The following MROH2A variants were observed in gnomAD, a reference collection of about 807,000 sequenced individuals.
The protein encoded by MROH2A is maestro heat-like repeat-containing protein family member 2A.
A neutral mutation model predicts 200.4 loss-of-function variants in MROH2A; 174 were observed. The observed-to-expected ratio is 0.87, with a 90% confidence interval of 0.77 to 0.98. MROH2A has a LOEUF of 0.98. MROH2A is among the 50% of genes least tolerant of loss of function. MROH2A has a pLI of 0.00. For synonymous variants in MROH2A, 829 were observed against 840.4 expected (o/e 0.99, Z 0.23); for missense variants, 2,045 against 2,139.6 (o/e 0.96, Z 0.87).
rs902287812 is a variant in MROH2A at position 233,791,256 on chromosome 2, G to A, written c.571+1242G>A. On this transcript the variant is annotated intron_variant, in intron 5 of 41. Coordinates refer to ENST00000389758, the MANE Select transcript of MROH2A (RefSeq NM_001394639.1). ...GGAAGGCCTTTCTGACTGCTGCCTG[G>A]ATGGAGAGTACTAGGAGGTGGGTAC... Among the ~76,000 whole-genome samples the A allele has an allele frequency of 3.3e-5, 5 of 152,280 alleles. 1 individual carries two copies. The highest frequency in any genetic ancestry group is 3.3e-4 in the Admixed American group (5 of 15,302).
At chr2:233,830,676 C>G (rs1373173175) in intron 38 of MROH2A, among the ~76,000 whole-genome samples, 1 of 151,512 alleles carries the variant, frequency 6.6e-6, no homozygotes, top group Non-Finnish European at 1.5e-5. Context: ...CCAGGTGGCC[C>G]TTACAGGCAG....
At chr2:233,829,537 A>G (rs1478500544) in intron 37 of MROH2A, 83 bp from the exon 38 acceptor site, 1 of 1,298,354 alleles carries the variant, frequency 7.7e-7, no homozygotes. Context: ...GGACCAAGGC[A>G]TTGGGTATTC....
intron 29 of MROH2A, 71 bp from the exon 30 acceptor site, chr2:233,819,245 CA>C: frequency 1.4e-6 from 2 of 1,436,518 alleles, no homozygotes; most frequent in Non-Finnish European, 1.9e-6. Context: ...TGGGGTGGGA[CA>C]GGGGAGGAGA....
intron 5 of MROH2A, among the ~76,000 whole-genome samples, chr2:233,791,695 G>A (rs898311326): frequency 3.9e-5 from 6 of 152,150 alleles, no homozygotes; most frequent in African/African-American, 1.2e-4. Flanking sequence ...AAGAGACAGC[G>A]TGGAATGTGA....
intron 3 of MROH2A, among the ~76,000 whole-genome samples, chr2:233,787,432 T>C (rs1053027168): frequency 1.3e-4 from 17 of 134,752 alleles, no homozygotes; most frequent in East Asian, 2.0e-4. Context: ...CACACACACA[T>C]ATGTATATAC....
chr2:233,789,402 G>A, intron 3 of MROH2A, 95 bp from the exon 4 acceptor site: 1 of 1,218,232 alleles, frequency 8.2e-7, no homozygotes, highest in Non-Finnish European at 1.0e-6. Context: ...GAGGCTGGTG[G>A]TTTGGGTGTA....
chr2:233,823,598 C>G lies in MROH2A; in HGVS notation c.4047C>G (p.Ala1349=). The G allele has an allele frequency of 1.3e-6, 2 of 1,550,384 alleles. No homozygotes were observed. Among genetic ancestry groups the G allele is most frequent in the Non-Finnish European group, 8.7e-7 (1 of 1,146,972 alleles). Residue 1349 remains alanine (A), a synonymous_variant, in exon 35 of 42, where the codon GCC becomes GCG. Coordinates refer to ENST00000389758, the MANE Select transcript of MROH2A (RefSeq NM_001394639.1). Reference sequence around the variant, plus strand: ...TGGAGGGCCACAGGCAGAGGCTGGCCGAGCTGGTGCTCAGGGGCATGGACT... The same window carrying G: ...TGGAGGGCCACAGGCAGAGGCTGGCGGAGCTGGTGCTCAGGGGCATGGACT... ...QHVEGHRQRL[A]ELVLRGMDSE... is the part of the protein sequence containing the mutation.
intron 39 of MROH2A, among the ~76,000 whole-genome samples, chr2:233,831,930 C>T (rs2124936511): frequency 6.6e-6 from 1 of 152,336 alleles, no homozygotes; most frequent in Middle Eastern, 3.4e-3. Flanking sequence ...ACTTGAAGTG[C>T]TGCAGGGTTA....
At chr2:233,776,962 T>G (rs1273544520), upstream of MROH2A, among the ~76,000 whole-genome samples, 1 of 152,166 alleles carries the variant, frequency 6.6e-6, no homozygotes, top group East Asian at 1.9e-4. Flanking sequence ...GGGTGAGCCC[T>G]GCTGCACAAT....
intron 16 of MROH2A, 85 bp downstream of exon 16, chr2:233,803,573 C>A: frequency 7.0e-7 from 1 of 1,436,358 alleles, no homozygotes; most frequent in Non-Finnish European, 9.5e-7. Flanking sequence ...TTCCCAGAGC[C>A]CCAGGGGTAT....
chr2:233,788,144 TA>T (rs1344692208), intron 3 of MROH2A, among the ~76,000 whole-genome samples: 3 of 109,566 alleles, frequency 2.7e-5, no homozygotes, highest in Admixed American at 1.4e-4. Flanking sequence ...TATATATATA[TA>T]ATATATATTT....
At chr2:233,833,107 C>T in intron 41 of MROH2A, 31 bp from the exon 42 acceptor site, 3 of 1,519,300 alleles carry the variant, frequency 2.0e-6, no homozygotes, top group Non-Finnish European at 2.6e-6. Flanking sequence ...TGGGCGGGGC[C>T]TGAACCTTCC....
At position 233,781,779 on chromosome 2, in the gene MROH2A, C is replaced by T. The variant is rs28899478; in HGVS notation, c.276+1927C>T. ...TGTTGCCTGTGCTTTTGAGGTCTCA[C>T]ACAAAAAATCTTTGCACAAACCAAT... On this transcript the variant is annotated intron_variant, in intron 3 of 41. Transcript: ENST00000389758. 3.6e-3 allele frequency among the ~76,000 whole-genome samples: 554 copies of T among 152,200 alleles called. 1 individual carries two copies. The highest frequency in any genetic ancestry group is 0.013 in the African/African-American group (536 of 41,554).
In MROH2A at chr2:233,832,606, A is replaced by C; in HGVS notation, c.4865A>C (p.His1622Pro). 1 of 1,550,036 alleles carries C rather than the reference A, an allele frequency of 6.5e-7. No homozygotes were observed. The highest frequency in any genetic ancestry group is 1.7e-4 in the Middle Eastern group (1 of 5,992). The change falls in exon 41 of 42, where the codon CAT (histidine) becomes CCT (proline). Residue 1622 changes from histidine (H) to proline (P), a missense_variant. Physicochemically the swap from His to Pro is moderately conservative, Grantham distance 77. This residue lies in a region of MROH2A where 1,201 missense variants were observed against 1,311.3 expected (regional missense o/e 0.92). Coordinates refer to ENST00000389758, the MANE Select transcript of MROH2A (RefSeq NM_001394639.1). ...ATTATTATGAAGCAGATGTCTACAC[A>C]TTATCTGAAAAAGCTGGACTTCCCA... ...AGIIMKQMSTHYLKKLDFPAL... is the reference protein window; with the variant it reads ...AGIIMKQMSTPYLKKLDFPAL...
intron 15 of MROH2A, among the ~76,000 whole-genome samples, chr2:233,803,037 G>T (rs1702570093): frequency 6.6e-6 from 1 of 152,198 alleles, no homozygotes; most frequent in Non-Finnish European, 1.5e-5. Context: ...GTGCGCTGTT[G>T]GTTTGCTTTT....
intron 23 of MROH2A, among the ~76,000 whole-genome samples, chr2:233,811,248 C>G (rs193051061): frequency 2.0e-5 from 3 of 152,318 alleles, no homozygotes; most frequent in African/African-American, 7.2e-5. Context: ...GTGGGAGGGC[C>G]TTAGGGGCAG....
At chr2:233,798,616 GATGGCCAGGGAGAGC>G (rs1375440924) in intron 11 of MROH2A, among the ~76,000 whole-genome samples, 143 bp from the exon 12 acceptor site, 6 of 152,350 alleles carry the variant, frequency 3.9e-5, no homozygotes, top group African/African-American at 9.6e-5. Flanking sequence ...AGGGGAGGGA[GATGGCCAGGGAGAGC>G]ATGGCCAGGG....
chr2:233,822,201 G>A lies in MROH2A; in HGVS notation c.3590G>A (p.Arg1197Gln), dbSNP rs765520050. The A allele has an allele frequency of 4.6e-5, 72 of 1,548,994 alleles. No homozygotes were observed. Among genetic ancestry groups the A allele is most frequent in the East Asian group, 1.7e-4 (7 of 40,916 alleles). ...ARTMLHSLMG[R>Q]LQSRLSPRIS... is the part of the protein sequence containing the mutation. The stretch of plus-strand genomic sequence containing the variant: ...ACCATGCTCCACAGCCTGATGGGCC[G>A]GCTGCAGTCACGGCTCAGCCCCAGA... Residue 1197 changes from arginine to glutamine, a missense_variant, in exon 32 of 42, where the codon CGG (arginine) becomes CAG (glutamine). Around this residue, in one of 3 missense-constraint regions of MROH2A, gnomAD observed 1,201 missense variants for 1,311.3 expected, o/e 0.92. Coordinates refer to ENST00000389758, the MANE Select transcript of MROH2A (RefSeq NM_001394639.1).
rs546830913 is a variant in MROH2A at position 233,831,366 on chromosome 2, G to A, written c.4603-43G>A. The A allele has an allele frequency of 1.1e-4, 165 of 1,516,568 alleles. No individual in the cohort carries two copies. In the African/African-American group the frequency reaches 2.1e-3, roughly 19 times the overall value. 93.9% of individuals were successfully genotyped at this position (1,516,568 alleles called of 1,614,324 possible). A position where few individuals can be genotyped will look rare whatever the true frequency, so the allele number is the denominator to read the frequency against. On this transcript the variant is annotated intron_variant, in intron 38 of 41. Transcript: ENST00000389758. ...CAGCCTCACCCCTCTGGGGAACCAC[G>A]TGGCCTGGCTGATGGCTCTGCTGCC...
Sources: allele counts gnomAD v4.1 joint callset (sites outside exome capture counted in the v4.1 genomes callset), GRCh38; gene constraint gnomAD v4.1.1; regional missense constraint gnomAD v4.1.1; transcripts MANE v1.5; gene names NCBI Gene and HGNC (gene_info 2026-07-23, HGNC 2026-07-21).